BACH2: variants seen among roughly 807,000 people sequenced by gnomAD.
BACH2 encodes the protein transcription regulator protein BACH2.
A neutral mutation model predicts 61.8 loss-of-function variants in BACH2; 5 were observed. The ratio of observed to expected loss-of-function variants is 0.08; its 90% CI spans 0.04 to 0.17. BACH2 has a LOEUF of 0.17. Ranked by LOEUF, BACH2 falls within the 10% of genes least tolerant of loss-of-function variation. The pLI is 1.00. For synonymous variants in BACH2, 446 were observed against 440.1 expected (o/e 1.01, Z -0.17); for missense variants, 824 against 1,091.1 (o/e 0.76, Z 3.45).
intron 8 of BACH2, among the ~76,000 whole-genome samples, chr6:89,934,230 T>TA (rs887793378): frequency 4.6e-5 from 7 of 152,066 alleles, no homozygotes; most frequent in Non-Finnish European, 1.0e-4. Context: ...CCTTGAGTAC[T>TA]AGCCCAAGGT....
intron 5 of BACH2, among the ~76,000 whole-genome samples, chr6:90,013,966 T>C (rs1224817410): frequency 3.3e-5 from 5 of 152,000 alleles, no homozygotes; most frequent in Non-Finnish European, 7.4e-5. Flanking sequence ...TTTTTTTTTG[T>C]AGAGATGAGG....
At chr6:90,204,279 C>G (rs1411851479) in intron 4 of BACH2, among the ~76,000 whole-genome samples, 1 of 152,124 alleles carries the variant, frequency 6.6e-6, no homozygotes, top group Non-Finnish European at 1.5e-5. Context: ...AACAAATCCA[C>G]TTAGAACGTC....
At chr6:89,978,092 G>C (rs570660908) in intron 6 of BACH2, among the ~76,000 whole-genome samples, 32 of 152,192 alleles carry the variant, frequency 2.1e-4, no homozygotes, top group South Asian at 8.3e-4. Flanking sequence ...ACAAAAAGGG[G>C]GGAAATAAAC....
chr6:89,942,849 G>T (rs185160864), intron 7 of BACH2, among the ~76,000 whole-genome samples: 110 of 152,322 alleles, frequency 7.2e-4, no homozygotes, highest in African/African-American at 2.6e-3. Flanking sequence ...GCCCAGCAAA[G>T]TGTTGACTCT....
intron 4 of BACH2, among the ~76,000 whole-genome samples, chr6:90,108,026 T>G (rs1783002551): frequency 6.6e-6 from 1 of 152,220 alleles, no homozygotes; most frequent in Non-Finnish European, 1.5e-5. Context: ...TACTGAGAAC[T>G]ATATAAGACA....
chr6:90,102,543 C>CT (rs1782683687), intron 4 of BACH2, among the ~76,000 whole-genome samples: 1 of 152,064 alleles, frequency 6.6e-6, no homozygotes, highest in African/African-American at 2.4e-5. Context: ...AATCCCAGCA[C>CT]TTTGGGAGGC....
intron 4 of BACH2, among the ~76,000 whole-genome samples, chr6:90,139,336 T>C (rs1450423431): frequency 6.6e-6 from 1 of 152,224 alleles, no homozygotes; most frequent in Non-Finnish European, 1.5e-5. Context: ...AGCTGTTTGC[T>C]GGAAGAGCCA....
chr6:90,092,291 A>AAAAAAAAAAAAAAAAAATATATATAT, intron 4 of BACH2, among the ~76,000 whole-genome samples: 27 of 113,790 alleles, frequency 2.4e-4, no homozygotes, highest in Middle Eastern at 4.0e-3. Flanking sequence ...AAAAAAAAAA[A>AAAAAAAAAAAAAAAAAATATATATAT]ATATATATAT....
chr6:90,247,672 T>C (rs1005523921), intron 3 of BACH2, among the ~76,000 whole-genome samples: 7 of 152,210 alleles, frequency 4.6e-5, no homozygotes, highest in African/African-American at 1.7e-4. Flanking sequence ...TTTTTTAGTC[T>C]AATTTCTTCT....
intron 5 of BACH2, among the ~76,000 whole-genome samples, chr6:90,077,305 T>C (rs1327603129): frequency 6.6e-6 from 1 of 152,148 alleles, no homozygotes; most frequent in African/African-American, 2.4e-5. Flanking sequence ...ATGGGGAATA[T>C]ATGAGTGTGT....
intron 5 of BACH2, among the ~76,000 whole-genome samples, chr6:90,014,153 T>C (rs1022823186): frequency 2.6e-5 from 4 of 152,054 alleles, no homozygotes; most frequent in African/African-American, 9.7e-5. Flanking sequence ...TTCATCTATG[T>C]TCAATACGGA....
intron 5 of BACH2, among the ~76,000 whole-genome samples, chr6:90,051,104 T>G (rs967881639): frequency 6.6e-6 from 1 of 152,148 alleles, no homozygotes; most frequent in African/African-American, 2.4e-5. Flanking sequence ...AACCAAAATT[T>G]TGAGAACAAT....
chr6:90,224,995 TC>T (rs1438664569), intron 3 of BACH2, among the ~76,000 whole-genome samples: 1 of 152,176 alleles, frequency 6.6e-6, no homozygotes, highest in Non-Finnish European at 1.5e-5. Context: ...ATGTTGTTCA[TC>T]CATTAATTCA....
chr6:90,232,461 TAAGAA>T (rs879509291), intron 3 of BACH2, among the ~76,000 whole-genome samples: 6 of 152,124 alleles, frequency 3.9e-5, no homozygotes, highest in Non-Finnish European at 7.4e-5. Context: ...GAAATGTTAA[TAAGAA>T]AAGAAATGTC....
intron 1 of BACH2, among the ~76,000 whole-genome samples, chr6:90,288,920 T>C (rs1582570307): frequency 6.6e-6 from 1 of 152,162 alleles, no homozygotes; most frequent in East Asian, 1.9e-4. Context: ...GGTAGGAGTG[T>C]GAGTTACAAG....
At position 89,988,118 on chromosome 6, in the gene BACH2, G is replaced by A. The variant is rs577751779; in HGVS notation, c.243+20484C>T. Among the ~76,000 whole-genome samples, 20 of 152,302 alleles carry A rather than the reference G, an allele frequency of 1.3e-4. No individual in the cohort carries two copies. In the South Asian group the frequency reaches 3.7e-3, roughly 28 times the overall value. On this transcript the variant is annotated intron_variant, in intron 6 of 8. Coordinates refer to ENST00000257749, the MANE Select transcript of BACH2 (RefSeq NM_021813.4). The stretch of plus-strand genomic sequence containing the variant: ...GGAGCATTGATAGGATGAAATAGAA[G>A]GCAGTATTTTAAAAAAATCAAGTCA...
chr6:90,158,767 G>GT lies in BACH2; in HGVS notation c.-162+47801_-162+47802insA, dbSNP rs201609639. 1.3e-4 allele frequency among the ~76,000 whole-genome samples: 19 copies of GT among 150,124 alleles called. No individual in the cohort carries two copies. The South Asian group carries it at 3.4e-3, about 27-fold the overall frequency. Reference sequence around the variant, plus strand: ...TCTCCCTCTGTGTCTTCTTTTGGTGGGGGGGGGGCACTTACTCACATAGCA... The same window carrying GT: ...TCTCCCTCTGTGTCTTCTTTTGGTGGTGGGGGGGGCACTTACTCACATAGCA... On this transcript the variant is annotated intron_variant, in intron 4 of 8. Coordinates refer to ENST00000257749, the MANE Select transcript of BACH2 (RefSeq NM_021813.4).
chr6:90,200,151 A>C (rs1768909509), intron 4 of BACH2, among the ~76,000 whole-genome samples: 1 of 152,212 alleles, frequency 6.6e-6, no homozygotes, highest in Non-Finnish European at 1.5e-5. Context: ...CGTTGTGTAT[A>C]GTCAAGAGAG....
At chr6:90,144,646 G>A (rs1325860718) in intron 4 of BACH2, among the ~76,000 whole-genome samples, 1 of 152,238 alleles carries the variant, frequency 6.6e-6, no homozygotes, top group East Asian at 1.9e-4. Flanking sequence ...TTTAAACAAT[G>A]ACTGGGTGAG....
Sources: gnomAD v4.1 joint callset for allele counts (sites outside exome capture counted in the v4.1 genomes callset) on GRCh38, gnomAD v4.1.1 for gene constraint, MANE v1.5 for transcripts, NCBI Gene and HGNC (gene_info 2026-07-23, HGNC 2026-07-21) for gene names.